The following MARF1 variants were observed in gnomAD, a reference collection of about 807,000 sequenced individuals.
MARF1 encodes the protein meiosis regulator and mRNA stability factor 1, also known as limkain-b1.
Under a neutral mutation model 168.2 loss-of-function variants are expected in MARF1, and 24 were observed. The ratio of observed to expected loss-of-function variants is 0.14; its 90% confidence interval spans 0.10 to 0.20. The LOEUF (loss-of-function observed/expected upper bound fraction) is 0.20. MARF1 is among the 10% of genes least tolerant of loss of function. The probability of loss-of-function intolerance (pLI) is 1.00; values close to 1 mark genes in which losing one functional copy is unlikely to be tolerated. For synonymous variants in MARF1, 868 were observed against 822.4 expected (o/e 1.06, Z -0.95); for missense variants, 1,744 against 2,143.6 (o/e 0.81, Z 3.68).
At chr16:15,632,724 A>C (rs1043506259) in intron 5 of MARF1, among the ~76,000 whole-genome samples, 1 of 152,236 alleles carries the variant, frequency 6.6e-6, no homozygotes, top group African/African-American at 2.4e-5. Flanking sequence ...TTTTGTAAAG[A>C]ACATGGGTAT....
chr16:15,637,973 C>A (rs2035705345), intron 2 of MARF1, among the ~76,000 whole-genome samples: 1 of 151,888 alleles, frequency 6.6e-6, no homozygotes, highest in East Asian at 1.9e-4. Context: ...TCAAGACCAG[C>A]CTGGCCAACA....
chr16:15,602,763 T>A (rs1174648803), intron 22 of MARF1: 1 of 398,814 alleles, frequency 2.5e-6, no homozygotes, highest in Non-Finnish European at 4.9e-6. Flanking sequence ...AGTGTGTGAG[T>A]AGGGAAGAAA....
At chr16:15,609,857 A>G in intron 19 of MARF1, 132 bp from the exon 20 acceptor site, 1 of 731,214 alleles carries the variant, frequency 1.4e-6, no homozygotes, top group African/African-American at 1.8e-5. Context: ...CACACAACCT[A>G]AAACAAACAC....
intron 2 of MARF1, 145 bp downstream of exon 2, chr16:15,638,945 T>C (rs997703596): frequency 6.6e-6 from 4 of 603,242 alleles, no homozygotes; most frequent in Non-Finnish European, 1.1e-5. Context: ...CACATTATAA[T>C]GTGGTATAAG....
Position 15,599,013 on chromosome 16 carries a change from T to C in MARF1, c.4825A>G (p.Thr1609Ala). 6.2e-7 allele frequency: 1 copy of C among 1,607,794 alleles called. No individual in the cohort carries two copies. Residue 1609 changes from threonine to alanine, a missense_variant, in exon 26 of 27, where the codon ACA (threonine) becomes GCA (alanine). By Grantham distance (58) the Thr-to-Ala change is moderately conservative (BLOSUM62 0). Coordinates refer to ENST00000396368, the MANE Select transcript of MARF1 (RefSeq NM_014647.4). ...GTCAGGCGGAGAAGCTCCTGCTCTG[T>C]GTGACTGGGCCCTGGGCAAACAAGG... The part of the protein sequence containing the change: ...LGADGSGPSH[T>A]EQELLRLTDD...
chr16:15,616,930 A>G (rs2034096994), intron 15 of MARF1, 122 bp downstream of exon 15: 2 of 1,382,020 alleles, frequency 1.4e-6, no homozygotes, highest in African/African-American at 1.5e-5. Flanking sequence ...CTGAAGGCTA[A>G]ACACATGAGG....
chr16:15,614,841 A>G (rs1464094412), intron 16 of MARF1, among the ~76,000 whole-genome samples: 1 of 151,940 alleles, frequency 6.6e-6, no homozygotes, highest in Non-Finnish European at 1.5e-5. Context: ...CTGGAGTGCA[A>G]TGGCTTGATC....
chr16:15,601,802 A>T, intron 23 of MARF1, 189 bp downstream of exon 23: 1 of 620,594 alleles, frequency 1.6e-6, no homozygotes. Context: ...GGGATTTAAT[A>T]AAGGTTTACA....
chr16:15,624,312 G>A (rs777103918), intron 10 of MARF1, among the ~76,000 whole-genome samples: 4 of 152,202 alleles, frequency 2.6e-5, no homozygotes, highest in Non-Finnish European at 5.9e-5. Context: ...ACGGCCTTAC[G>A]GCTTCTCTGT....
intron 12 of MARF1, 84 bp downstream of exon 12, chr16:15,621,649 T>G: frequency 7.7e-7 from 1 of 1,305,720 alleles, no homozygotes; most frequent in East Asian, 2.3e-5. Context: ...GGTGGGAATG[T>G]GATTGAATCT....
intron 13 of MARF1, among the ~76,000 whole-genome samples, chr16:15,619,241 C>G (rs972256175): frequency 9.9e-5 from 15 of 152,210 alleles, no homozygotes; most frequent in Non-Finnish European, 2.2e-4. Flanking sequence ...CGTGCCCCTG[C>G]ACTACACCCT....
At chr16:15,596,988 G>A (rs752720679) in intron 26 of MARF1, 51 bp from the exon 27 acceptor site, 9 of 1,530,012 alleles carry the variant, frequency 5.9e-6, no homozygotes, top group Non-Finnish European at 7.9e-6. Flanking sequence ...TGTAAGAAGT[G>A]TGGGTTTTCT....
intron 16 of MARF1, among the ~76,000 whole-genome samples, chr16:15,615,313 C>G (rs1214346975): frequency 6.6e-6 from 1 of 152,014 alleles, no homozygotes; most frequent in East Asian, 1.9e-4. Flanking sequence ...CTGGACAACA[C>G]AGCAAGGCCC....
intron 3 of MARF1, 105 bp downstream of exon 3, chr16:15,635,551 G>A: frequency 9.6e-7 from 1 of 1,040,206 alleles, no homozygotes; most frequent in South Asian, 1.6e-5. Flanking sequence ...TATACCATGG[G>A]AGAATCTTCA....
chr16:15,608,539 AG>A, intron 20 of MARF1, 21 bp from the exon 21 acceptor site: 2 of 1,555,924 alleles, frequency 1.3e-6, no homozygotes, highest in Non-Finnish European at 1.8e-6. Flanking sequence ...ACACGGGGGG[AG>A]GAAAGGGAAA....
At chr16:15,632,027 T>C (rs2035289575) in intron 5 of MARF1, among the ~76,000 whole-genome samples, 1 of 152,212 alleles carries the variant, frequency 6.6e-6, no homozygotes, top group African/African-American at 2.4e-5. Flanking sequence ...TAATAAGTAA[T>C]TCTTGAGAAA....
At chr16:15,635,498 TC>T (rs1345698205) in intron 3 of MARF1, 157 bp downstream of exon 3, 16 of 653,174 alleles carry the variant, frequency 2.4e-5, no homozygotes, top group Non-Finnish European at 3.1e-5. Flanking sequence ...ACCCTTTGTT[TC>T]TTTCAGAACC....
At chr16:15,640,417 A>G (rs2035872487) in intron 1 of MARF1, among the ~76,000 whole-genome samples, 1 of 152,224 alleles carries the variant, frequency 6.6e-6, no homozygotes, top group South Asian at 2.1e-4. Flanking sequence ...TTAACAATAA[A>G]TGCAAGCGAG....
chr16:15,611,793 C>G (rs2033583880), intron 17 of MARF1, 59 bp from the exon 18 acceptor site: 2 of 1,484,570 alleles, frequency 1.3e-6, no homozygotes, highest in Admixed American at 3.5e-5. Context: ...GACTTCCTTG[C>G]TGCTGGCTCA....
Sources: gnomAD v4.1 joint callset for allele counts (sites outside exome capture counted in the v4.1 genomes callset) on GRCh38, gnomAD v4.1.1 for gene constraint, MANE v1.5 for transcripts, NCBI Gene and HGNC (gene_info 2026-07-23, HGNC 2026-07-21) for gene names.